Variants in PCSK2 observed in about 807,000 individuals in gnomAD.
PCSK2 encodes the protein proprotein convertase subtilisin/kexin type 2, also known as neuroendocrine convertase 2.
PCSK2 carries 14 observed loss-of-function variants against 69.7 expected under a neutral mutation model. The observed-to-expected ratio is 0.20, with a 90% CI of 0.13 to 0.31. PCSK2 has a LOEUF of 0.31. Among genes scored for constraint, PCSK2 ranks in the 10% least tolerant of loss-of-function variants. The pLI, the probability that PCSK2 is intolerant of heterozygous loss-of-function variation, is 1.00. For missense variants in PCSK2, 544 were observed against 842.5 expected (o/e 0.65, Z 4.39); for synonymous variants, 307 against 320.7 (o/e 0.96, Z 0.46).
intron 2 of PCSK2, among the ~76,000 whole-genome samples, chr20:17,302,007 C>T (rs1471365554): frequency 6.6e-6 from 1 of 151,858 alleles, no homozygotes; most frequent in African/African-American, 2.4e-5. Flanking sequence ...ACCTTCACAC[C>T]AAGTCAAAGT....
chr20:17,253,444 T>A (rs1987065855), intron 1 of PCSK2, among the ~76,000 whole-genome samples: 1 of 152,222 alleles, frequency 6.6e-6, no homozygotes, highest in South Asian at 2.1e-4. Flanking sequence ...ACATTTCATA[T>A]AAAGAAGTGA....
intron 11 of PCSK2, among the ~76,000 whole-genome samples, chr20:17,474,776 G>A (rs181923964): frequency 4.7e-4 from 72 of 152,160 alleles, no homozygotes; most frequent in African/African-American, 1.7e-3. Context: ...CAAAGTGGTC[G>A]CCGGCCTACA....
At position 17,281,265 on chromosome 20, in the gene PCSK2, AC is replaced by A. The variant is rs1298138151; in HGVS notation, c.282+20925del. Among the ~76,000 whole-genome samples the A allele has an allele frequency of 2.6e-5, 4 of 152,182 alleles. No homozygotes were observed. In the East Asian group the frequency reaches 7.7e-4, roughly 29 times the overall value. On this transcript the variant is annotated intron_variant, in intron 2 of 11. Transcript: ENST00000262545. ...TTAGGCTTCTCCCTTATCGACAATG[AC>A]CCCATACCTAACTTCAGCCTTCCTG...
At chr20:17,379,489 A>C (rs2031027540) in intron 5 of PCSK2, among the ~76,000 whole-genome samples, 1 of 151,992 alleles carries the variant, frequency 6.6e-6, no homozygotes, top group African/African-American at 2.4e-5. Flanking sequence ...ATAGAAGATA[A>C]ATTTTGTGGT....
At chr20:17,462,268 G>A (rs557176564) in intron 10 of PCSK2, among the ~76,000 whole-genome samples, 1 of 152,242 alleles carries the variant, frequency 6.6e-6, no homozygotes, top group South Asian at 2.1e-4. Flanking sequence ...TCTGAACCTG[G>A]ACATCATTTT....
chr20:17,415,036 C>T (rs1600561685), intron 6 of PCSK2, among the ~76,000 whole-genome samples: 1 of 152,288 alleles, frequency 6.6e-6, no homozygotes, highest in South Asian at 2.1e-4. Flanking sequence ...AAATGTATCT[C>T]AAAATAATAA....
At chr20:17,339,903 A>G (rs961216615) in intron 2 of PCSK2, among the ~76,000 whole-genome samples, 2 of 152,252 alleles carry the variant, frequency 1.3e-5, no homozygotes, top group African/African-American at 4.8e-5. Context: ...TGGACATGTC[A>G]TAAGTTAATG....
intron 8 of PCSK2, among the ~76,000 whole-genome samples, chr20:17,448,334 T>C (rs1224102267): frequency 2.6e-5 from 4 of 152,172 alleles, no homozygotes; most frequent in Non-Finnish European, 5.9e-5. Flanking sequence ...CCTCCTCAAA[T>C]GTAGGCAATG....
intron 2 of PCSK2, among the ~76,000 whole-genome samples, chr20:17,260,610 T>C (rs1987343746): frequency 6.6e-6 from 1 of 152,144 alleles, no homozygotes; most frequent in African/African-American, 2.4e-5. Flanking sequence ...TGAGTTATTA[T>C]TGGGTGAGGA....
chr20:17,410,437 G>GAC (rs2031843754), intron 6 of PCSK2, among the ~76,000 whole-genome samples: 1 of 152,154 alleles, frequency 6.6e-6, no homozygotes, highest in Non-Finnish European at 1.5e-5. Context: ...GTTGACCTGA[G>GAC]ACCCCTCAGT....
Position 17,227,456 on chromosome 20 carries a change from G to A in PCSK2, c.151G>A (p.Ala51Thr). The A allele has an allele frequency of 6.2e-7, 1 of 1,613,950 alleles. No homozygotes were observed. The highest frequency in any genetic ancestry group is 8.5e-7 in the Non-Finnish European group (1 of 1,179,922). The change falls in exon 1 of 12, where the codon GCA becomes ACA. Residue 51 changes from alanine to threonine, a missense_variant. Coordinates refer to ENST00000262545, the MANE Select transcript of PCSK2 (RefSeq NM_002594.5). ...AGAGGACAAAGCTCGCCAAGTTGCA[G>A]CAGAACACGGCTTTGGAGTCCGAAA... ...GGEDKARQVA[A>T]EHGFGVRKLP...
chr20:17,291,996 C>T (rs1177179223), intron 2 of PCSK2, among the ~76,000 whole-genome samples: 1 of 152,136 alleles, frequency 6.6e-6, no homozygotes, highest in Non-Finnish European at 1.5e-5. Context: ...CCAAAAATAT[C>T]ATTGCCCACA....
In PCSK2 at chr20:17,441,113, C is replaced by T. The variant is rs545404257; in HGVS notation, c.885+4230C>T. On this transcript the variant is annotated intron_variant, in intron 8 of 11. Coordinates refer to ENST00000262545, the MANE Select transcript of PCSK2 (RefSeq NM_002594.5). Reference sequence around the variant, plus strand: ...CCCTTCCCCTTCCTTGAGGCTTATGCTTAGAGGTGTTTCCACTTGGACACC... The same window carrying T: ...CCCTTCCCCTTCCTTGAGGCTTATGTTTAGAGGTGTTTCCACTTGGACACC... 3.9e-5 allele frequency among the ~76,000 whole-genome samples: 6 copies of T among 152,286 alleles called. No individual in the cohort carries two copies. The East Asian group carries it at 1.2e-3, about 29-fold the overall frequency.
upstream of PCSK2, among the ~76,000 whole-genome samples, chr20:17,226,720 G>A (rs1985916716): frequency 6.6e-6 from 1 of 151,804 alleles, no homozygotes; most frequent in Admixed American, 6.6e-5. Flanking sequence ...TACAGCTGGG[G>A]GGATTTTCCT....
At chr20:17,322,072 C>A (rs919325500) in intron 2 of PCSK2, among the ~76,000 whole-genome samples, 2 of 151,974 alleles carry the variant, frequency 1.3e-5, no homozygotes, top group African/African-American at 2.4e-5. Context: ...ACAGAGTACT[C>A]ATTGATCATT....
intron 7 of PCSK2, 70 bp downstream of exon 7, chr20:17,429,593 G>C (rs1692448383): frequency 5.9e-6 from 6 of 1,014,604 alleles, no homozygotes; most frequent in Non-Finnish European, 8.6e-6. Flanking sequence ...CTGTGGCCCA[G>C]CAAAAAATCC....
chr20:17,275,930 C>T (rs1397784568), intron 2 of PCSK2, among the ~76,000 whole-genome samples: 2 of 152,122 alleles, frequency 1.3e-5, no homozygotes, highest in African/African-American at 4.8e-5. Flanking sequence ...TATTTAACAT[C>T]TCACAACCAC....
chr20:17,273,783 T>C (rs1214941246), intron 2 of PCSK2, among the ~76,000 whole-genome samples: 2 of 152,208 alleles, frequency 1.3e-5, no homozygotes, highest in Admixed American at 1.3e-4. Context: ...TCCTTTTCAC[T>C]GTGCTACAAG....
At chr20:17,360,449 T>C in intron 3 of PCSK2, 83 bp from the exon 4 acceptor site, 2 of 779,026 alleles carry the variant, frequency 2.6e-6, no homozygotes, top group Non-Finnish European at 4.3e-6. Flanking sequence ...TAGATGGCTA[T>C]AGAGTATGTC....
Sources: allele counts gnomAD v4.1 joint callset (sites outside exome capture counted in the v4.1 genomes callset), GRCh38; gene constraint gnomAD v4.1.1; transcripts MANE v1.5; gene names NCBI Gene and HGNC (gene_info 2026-07-23, HGNC 2026-07-21).